The following SLC23A2 variants were observed in gnomAD, a reference collection of about 807,000 sequenced individuals.
The protein encoded by SLC23A2 is Na(+)/L-ascorbic acid transporter 2.
Under a neutral mutation model 73.3 loss-of-function variants are expected in SLC23A2, and 36 were observed. The observed-to-expected ratio is 0.49, with a 90% CI of 0.38 to 0.65. The LOEUF (loss-of-function observed/expected upper bound fraction) is 0.65, where lower values mean the gene tolerates loss of function less well. Among genes scored for constraint, SLC23A2 ranks in the 30% least tolerant of loss-of-function variants. The probability of loss-of-function intolerance (pLI) is 0.00; values close to 1 mark genes in which losing one functional copy is unlikely to be tolerated. For missense variants in SLC23A2, 507 were observed against 841.6 expected (o/e 0.60, Z 4.92); for synonymous variants, 343 against 327.3 (o/e 1.05, Z -0.52).
In SLC23A2 at chr20:4,899,233, C is replaced by T. The variant is rs1931655992; in HGVS notation, c.482+322G>A. Reference sequence around the variant, plus strand: ...GAAGCCAACGGGGAGCCTGGTGGGACACTCTGGTCTGAACGTAAGGAATAG... The same window carrying T: ...GAAGCCAACGGGGAGCCTGGTGGGATACTCTGGTCTGAACGTAAGGAATAG... On this transcript the variant is annotated intron_variant, in intron 6 of 16. Transcript: ENST00000338244. This position sits in a 1 kb window ranked among gnomAD's most constrained non-coding sequence, Gnocchi z 4.9. Among the ~76,000 whole-genome samples, 2 of 152,118 alleles carry T rather than the reference C, an allele frequency of 1.3e-5. No homozygotes were observed. Among genetic ancestry groups the T allele is most frequent in the Non-Finnish European group, 2.9e-5 (2 of 68,016 alleles).
chr20:4,985,578 G>A (rs1345463726), intron 1 of SLC23A2, among the ~76,000 whole-genome samples: 3 of 151,968 alleles, frequency 2.0e-5, no homozygotes, highest in African/African-American at 7.2e-5. Context: ...CTGCCTAGTA[G>A]CTGGGACTAC....
Position 4,867,797 on chromosome 20 carries a change from G to A in SLC23A2, c.1329C>T (p.Pro443=). 6.2e-7 allele frequency: 1 copy of A among 1,603,068 alleles called. No homozygotes were observed. The highest frequency in any genetic ancestry group is 1.1e-5 in the South Asian group (1 of 90,760). Residue 443 remains proline (P), a synonymous_variant, in exon 13 of 17, where the codon CCC becomes CCT. Transcript: ENST00000338244. ...TTGTAATTCCCAAAACTCCAATGTT[G>A]GGACTGGATGAAGTAGAGCCATTCC... ...GTGNGSTSSS[P]NIGVLGITKV...
At chr20:5,000,889 G>A (rs193127696) in intron 1 of SLC23A2, among the ~76,000 whole-genome samples, 139 of 152,340 alleles carry the variant, frequency 9.1e-4, no homozygotes, top group African/African-American at 3.3e-3. Context: ...CTTTGTAGAA[G>A]GGAAGAAAGC....
intron 1 of SLC23A2, among the ~76,000 whole-genome samples, chr20:4,985,639 G>A (rs2087813022): frequency 6.6e-6 from 1 of 152,018 alleles, no homozygotes; most frequent in Admixed American, 6.6e-5. Context: ...GTAGACGCAG[G>A]GTTTCACCAT....
intron 1 of SLC23A2, among the ~76,000 whole-genome samples, chr20:4,982,293 G>A (rs908333928): frequency 2.0e-5 from 3 of 151,986 alleles, no homozygotes; most frequent in African/African-American, 7.2e-5. Flanking sequence ...GTGCCCGGAC[G>A]ATGGCAATTT....
chr20:4,922,127 A>T (rs1007832486), intron 3 of SLC23A2, among the ~76,000 whole-genome samples: 2 of 152,220 alleles, frequency 1.3e-5, no homozygotes, highest in African/African-American at 4.8e-5. Context: ...AATCATTAAA[A>T]CTAAGAAGCC....
intron 3 of SLC23A2, among the ~76,000 whole-genome samples, chr20:4,930,021 C>T (rs181661904): frequency 2.3e-4 from 35 of 152,150 alleles, no homozygotes; most frequent in African/African-American, 7.0e-4. Context: ...AGAAGAAGAA[C>T]GCAAAAAATA....
chr20:4,874,347 A>G (rs566666888), intron 10 of SLC23A2, among the ~76,000 whole-genome samples: 1 of 152,350 alleles, frequency 6.6e-6, no homozygotes, highest in African/African-American at 2.4e-5. Context: ...AATCTTACTC[A>G]GTCCCAAGGA....
rs11471369 is a variant in SLC23A2, at chr20:4,991,720, TCACACACACACACA to T, written c.-282+9672_-282+9685del. Among the ~76,000 whole-genome samples, 658 of 139,418 alleles carry T rather than the reference TCACACACACACACA, an allele frequency of 4.7e-3. 4 individuals carry two copies. The highest frequency in any genetic ancestry group is 0.015 in the African/African-American group (539 of 37,152). 91.5% of individuals were successfully genotyped at this position (139,418 alleles called of 152,430 possible). ...CTGGGTGACAGAGAGAGACTCCGTT[TCACACACACACACA>T]CACACACACACACACACACACACAC... is the stretch of plus-strand genomic sequence containing the variant. On this transcript the variant is annotated intron_variant, in intron 1 of 16. Coordinates refer to ENST00000338244, the MANE Select transcript of SLC23A2 (RefSeq NM_005116.6).
At chr20:4,942,069 G>C (rs2087050436) in intron 2 of SLC23A2, among the ~76,000 whole-genome samples, 1 of 152,106 alleles carries the variant, frequency 6.6e-6, no homozygotes, top group African/African-American at 2.4e-5. Context: ...GTCCACATTA[G>C]CACCAGTTCT....
At chr20:4,916,981 C>T (rs1191194763) in intron 3 of SLC23A2, among the ~76,000 whole-genome samples, 1 of 152,128 alleles carries the variant, frequency 6.6e-6, no homozygotes. Context: ...AGTCAAGGAA[C>T]ATCTGTATTA....
chr20:4,908,800 C>T (rs370656277), intron 4 of SLC23A2, among the ~76,000 whole-genome samples: 14 of 152,022 alleles, frequency 9.2e-5, no homozygotes, highest in East Asian at 1.9e-4. Flanking sequence ...TGGTGGTGCA[C>T]GCCTGTGATC....
chr20:4,929,523 C>T (rs1477165732), intron 3 of SLC23A2, among the ~76,000 whole-genome samples: 2 of 152,038 alleles, frequency 1.3e-5, no homozygotes, highest in African/African-American at 4.8e-5. Context: ...GACACAAACC[C>T]CACAGAAGCA....
chr20:4,979,424 G>A (rs2087693114), intron 1 of SLC23A2, among the ~76,000 whole-genome samples: 1 of 152,052 alleles, frequency 6.6e-6, no homozygotes, highest in Admixed American at 6.6e-5. Flanking sequence ...GGGACAATGG[G>A]GCCAGCATGG....
Position 4,885,162 on chromosome 20 carries a change from G to C in SLC23A2, c.572-339C>G, listed in dbSNP as rs114802145. 5.2e-3 allele frequency among the ~76,000 whole-genome samples: 789 copies of C among 152,316 alleles called. 10 individuals carry two copies. The highest frequency in any genetic ancestry group is 0.018 in the African/African-American group (747 of 41,560). ...CAGCAAGGTTGCTGGACTGAGGTTTGAAAAACTTAGATAAAACAGAGGGCC... is the reference window on the plus strand; with the variant it reads ...CAGCAAGGTTGCTGGACTGAGGTTTCAAAAACTTAGATAAAACAGAGGGCC... On this transcript the variant is annotated intron_variant, in intron 7 of 16. Coordinates refer to ENST00000338244, the MANE Select transcript of SLC23A2 (RefSeq NM_005116.6).
rs755880433 is a variant in SLC23A2 at position 4,899,575 on chromosome 20, T to C, written c.462A>G (p.Leu154=). Residue 154 remains leucine (L), a synonymous_variant, in exon 6 of 17, where the codon CTA becomes CTG. Transcript: ENST00000338244. This position sits in a 1 kb window ranked among gnomAD's most constrained non-coding sequence, Gnocchi z 4.9. ...CTCACCTGCATCCAAACGTTGTCTGTAGCAAAGTAGTGATTCCCACACAGA... is the reference window on the plus strand; with the variant it reads ...CTCACCTGCATCCAAACGTTGTCTGCAGCAAAGTAGTGATTCCCACACAGA... ...IFFCVGITTL[L]QTTFGCRLPL... is the part of the protein sequence containing the mutation. 7 of 1,614,074 alleles carry C rather than the reference T, an allele frequency of 4.3e-6. No homozygotes were observed. Among genetic ancestry groups the C allele is most frequent in the Non-Finnish European group, 5.9e-6 (7 of 1,179,988 alleles).
chr20:4,995,225 T>C (rs1001850737), intron 1 of SLC23A2, among the ~76,000 whole-genome samples: 5 of 151,986 alleles, frequency 3.3e-5, no homozygotes, highest in African/African-American at 9.7e-5. Context: ...AACAAGGGAA[T>C]TGACAGAAAG....
At chr20:4,905,125 A>AG (rs1354097258) in intron 4 of SLC23A2, among the ~76,000 whole-genome samples, 10 of 151,994 alleles carry the variant, frequency 6.6e-5, no homozygotes, top group African/African-American at 2.4e-4. Flanking sequence ...AAAAAAAAAA[A>AG]AAAAAAAAAA....
chr20:4,997,013 T>C (rs930740230), intron 1 of SLC23A2, among the ~76,000 whole-genome samples: 3 of 152,160 alleles, frequency 2.0e-5, no homozygotes, highest in South Asian at 2.1e-4. Flanking sequence ...GCATCTCAGT[T>C]AATGGCCTCT....
Sources: gnomAD v4.1 joint callset for allele counts (sites outside exome capture counted in the v4.1 genomes callset) on GRCh38, gnomAD v4.1.1 for gene constraint, Gnocchi (gnomAD v3.1) non-coding constraint, MANE v1.5 for transcripts, NCBI Gene and HGNC (gene_info 2026-07-23, HGNC 2026-07-21) for gene names.